Variants in DNASE1 observed in about 807,000 individuals in gnomAD.
DNASE1 encodes the protein deoxyribonuclease 1, also known as deoxyribonuclease-1.
A neutral mutation model predicts 33.9 loss-of-function variants in DNASE1; 40 were observed. That is an observed-to-expected ratio of 1.18 (90% CI 0.92 to 1.54). The LOEUF is 1.54. Among genes scored for constraint, DNASE1 ranks in the 40% most tolerant of loss-of-function variants. DNASE1 has a pLI of 0.00. For missense variants in DNASE1, 518 were observed against 372.6 expected, an observed-to-expected ratio of 1.39 and a Z score of -3.21; for synonymous variants, 216 against 160.0, an observed-to-expected ratio of 1.35 and a Z score of -2.64.
chr16:3,662,231 G>T (rs1001951310), downstream of DNASE1: 22 of 1,452,622 alleles, frequency 1.5e-5, no homozygotes, highest in South Asian at 2.7e-4. Context: ...CCACGAGGTA[G>T]CAGGCGGGGT....
At chr16:3,627,864 T>C (rs1310830828) in intron 1 of DNASE1, among the ~76,000 whole-genome samples, 3 of 151,860 alleles carry the variant, frequency 2.0e-5, no homozygotes, top group Non-Finnish European at 4.4e-5. Context: ...TGTTTTTCTT[T>C]TTCAACATGG....
rs757085573 is a variant in DNASE1 at position 3,655,417 on chromosome 16, C to G, written c.44C>G (p.Ala15Gly). 6.2e-7 allele frequency: 1 copy of G among 1,613,850 alleles called. No homozygotes were observed. Among genetic ancestry groups the G allele is most frequent in the Non-Finnish European group, 8.5e-7 (1 of 1,179,976 alleles). Residue 15 changes from alanine to glycine, a missense_variant, in exon 2 of 9, where the codon GCC becomes GGC. Physicochemically the swap from Ala to Gly is moderately conservative, Grantham distance 60. Coordinates refer to ENST00000246949, the MANE Select transcript of DNASE1 (RefSeq NM_005223.4). ...KLLGALLALA[A>G]LLQGAVSLKI... Reference sequence around the variant, plus strand: ...CTGGGGGCGCTGCTGGCACTGGCGGCCCTACTGCAGGGGGCCGTGTCCCTG... The same window carrying G: ...CTGGGGGCGCTGCTGGCACTGGCGGGCCTACTGCAGGGGGCCGTGTCCCTG...
intron 1 of DNASE1, among the ~76,000 whole-genome samples, chr16:3,629,448 T>C (rs1365420886): frequency 6.6e-6 from 1 of 152,176 alleles, no homozygotes; most frequent in Non-Finnish European, 1.5e-5. Flanking sequence ...TTGTTTGTGG[T>C]GTATAATCCT....
chr16:3,640,175 G>A (rs767428486), upstream of DNASE1, among the ~76,000 whole-genome samples: 20 of 152,112 alleles, frequency 1.3e-4, 1 homozygote, highest in Admixed American at 2.0e-4. Flanking sequence ...TGAACTCTGG[G>A]GATTGTTTTG....
chr16:3,630,336 C>A (rs193208880), intron 1 of DNASE1, among the ~76,000 whole-genome samples: 7 of 152,230 alleles, frequency 4.6e-5, no homozygotes, highest in Admixed American at 3.9e-4. Flanking sequence ...CACACGCCAC[C>A]ACACCTGGCT....
At chr16:3,639,540 C>G (rs1042765947), upstream of DNASE1, among the ~76,000 whole-genome samples, 1 of 152,202 alleles carries the variant, frequency 6.6e-6, no homozygotes, top group African/African-American at 2.4e-5. Flanking sequence ...TGCTTTTGAT[C>G]ACACCCTCTC....
downstream of DNASE1, chr16:3,658,395 C>T: frequency 1.6e-6 from 1 of 643,232 alleles, no homozygotes; most frequent in South Asian, 2.0e-5. Context: ...GCTGGGATTA[C>T]AGGCGTGAGC....
At chr16:3,616,437 A>G (rs2041105888) in intron 1 of DNASE1, among the ~76,000 whole-genome samples, 1 of 150,452 alleles carries the variant, frequency 6.6e-6, no homozygotes, top group Non-Finnish European at 1.5e-5. Context: ...CCTGACCAAC[A>G]TGGTGAAACC....
intron 1 of DNASE1, among the ~76,000 whole-genome samples, chr16:3,636,832 A>G (rs2041882156): frequency 6.6e-6 from 1 of 151,494 alleles, no homozygotes; most frequent in Admixed American, 6.6e-5. Context: ...GAAAAAAAGA[A>G]AAAAAAACAG....
Position 3,647,980 on chromosome 16 carries a change from C to G in DNASE1, c.-86+4944C>G, listed in dbSNP as rs139616300. On this transcript the variant is annotated intron_variant, in intron 1 of 9. Transcript: ENST00000407479. ...GCCAGGAGTTTGGGACCAGCCTGGC[C>G]AACATGGCAAAACCCCGTCTTTACT... Among the ~76,000 whole-genome samples, 1,375 of 151,980 alleles carry G rather than the reference C, an allele frequency of 9.0e-3. 21 individuals carry two copies. Among genetic ancestry groups the G allele is most frequent in the African/African-American group, 0.031 (1,287 of 41,458 alleles).
At chr16:3,649,915 A>T (rs1339313391), upstream of DNASE1, among the ~76,000 whole-genome samples, 1 of 151,622 alleles carries the variant, frequency 6.6e-6, no homozygotes, top group African/African-American at 2.4e-5. Flanking sequence ...TGTTTTCCCC[A>T]ACTTCTAGTT....
downstream of DNASE1, chr16:3,658,326 G>A: frequency 3.0e-6 from 3 of 994,064 alleles, no homozygotes; most frequent in Non-Finnish European, 4.6e-6. Flanking sequence ...CGAGGCTGGA[G>A]TGCAGAGGCA....
intron 1 of DNASE1, among the ~76,000 whole-genome samples, chr16:3,644,628 G>C (rs1365058427): frequency 6.6e-6 from 1 of 151,406 alleles, no homozygotes; most frequent in Non-Finnish European, 1.5e-5. Context: ...CCAGCTACTT[G>C]AGAGACTGAG....
Position 3,656,146 on chromosome 16 carries a change from G to C in DNASE1, c.281G>C (p.Gly94Ala), listed in dbSNP as rs1206280453. The change falls in exon 4 of 9, where the codon GGA (glycine) becomes GCA (alanine). Residue 94 changes from glycine (G) to alanine (A), a missense_variant. Transcript: ENST00000246949. ...CACTACGTGGTCAGTGAGCCACTGG[G>C]ACGGAACAGCTATAAGGAGCGCTAC... ...TYHYVVSEPL[G>A]RNSYKERYLF... The C allele has an allele frequency of 5.0e-6, 8 of 1,614,144 alleles. No individual in the cohort carries two copies. The highest frequency in any genetic ancestry group is 6.8e-6 in the Non-Finnish European group (8 of 1,180,024).
In DNASE1 at chr16:3,615,578, AAAG is replaced by A. The variant is rs1253824414; in HGVS notation, c.-1359+3577_-1359+3579del. 5.3e-5 allele frequency among the ~76,000 whole-genome samples: 8 copies of A among 152,356 alleles called. No homozygotes were observed. In the East Asian group the frequency reaches 9.6e-4, roughly 18 times the overall value. ...CACTGTCAGAACAACCAGGGAGATG[AAAG>A]AAGATGTCAGATACTAAAAGGTGCA... On this transcript the variant is annotated intron_variant and NMD_transcript_variant, in intron 1 of 11. Transcript: ENST00000570769.
chr16:3,649,286 C>G (rs886528560), intron 1 of DNASE1, among the ~76,000 whole-genome samples: 2 of 152,206 alleles, frequency 1.3e-5, no homozygotes, highest in Non-Finnish European at 1.5e-5. Context: ...AGAGCCTTCT[C>G]GAGCTATGGG....
At chr16:3,630,167 TG>T (rs535842883) in intron 1 of DNASE1, among the ~76,000 whole-genome samples, 419 of 152,056 alleles carry the variant, frequency 2.8e-3, no homozygotes, top group Non-Finnish European at 5.0e-3. Flanking sequence ...GTTGTTGTTT[TG>T]TTTTTTGTTG....
rs780424369 is a variant in DNASE1, at chr16:3,664,412, G to A, written c.*6459G>A. 7.6e-5 allele frequency: 122 copies of A among 1,611,808 alleles called. 1 individual carries two copies. Among genetic ancestry groups the A allele is most frequent in the South Asian group, 2.9e-4 (26 of 90,790 alleles). Reference sequence around the variant, plus strand: ...ATTCTGAGAGGCTGGTTAGCTGCCCGGAGGGCAGCGCCGAGGACTCGTAGC... The same window carrying A: ...ATTCTGAGAGGCTGGTTAGCTGCCCAGAGGGCAGCGCCGAGGACTCGTAGC... On this transcript the variant is annotated 3_prime_UTR_variant, in exon 10 of 10. Coordinates refer to the DNASE1 transcript ENST00000407479.
chr16:3,638,381 AG>A (rs1172158832), upstream of DNASE1, among the ~76,000 whole-genome samples: 1 of 152,146 alleles, frequency 6.6e-6, no homozygotes, highest in Non-Finnish European at 1.5e-5. Flanking sequence ...TCCATTGCCC[AG>A]GCTGGAGTAC....
Sources: allele counts gnomAD v4.1 joint callset (sites outside exome capture counted in the v4.1 genomes callset), GRCh38; gene constraint gnomAD v4.1.1; transcripts MANE v1.5; gene names NCBI Gene and HGNC (gene_info 2026-07-23, HGNC 2026-07-21).